The following HSD17B11 variants were observed in gnomAD, a reference collection of about 807,000 sequenced individuals.
HSD17B11 encodes estradiol 17-beta-dehydrogenase 11.
In HSD17B11, 22 loss-of-function variants were observed where a neutral mutation model predicts 27.8. The ratio of observed to expected loss-of-function variants is 0.79; its 90% CI spans 0.56 to 1.13. The LOEUF (loss-of-function observed/expected upper bound fraction) is 1.13. Among genes scored for constraint, HSD17B11 ranks in the 50% most tolerant of loss-of-function variants. The pLI is 0.00. For synonymous variants in HSD17B11, 117 were observed against 132.8 expected (o/e 0.88, Z 0.82); for missense variants, 314 against 351.1 (o/e 0.89, Z 0.84).
intron 4 of HSD17B11, among the ~76,000 whole-genome samples, chr4:87,357,946 GA>G (rs1474567008): frequency 3.8e-4 from 31 of 82,112 alleles, no homozygotes; most frequent in East Asian, 1.3e-3. Flanking sequence ...ATTCATTAGA[GA>G]AATTTTTTTT....
Position 87,357,377 on chromosome 4 carries a change from C to CA in HSD17B11, c.596dup (p.Leu199PhefsTer4). 1.2e-6 allele frequency: 2 copies of CA among 1,613,632 alleles called. No individual in the cohort carries two copies. The highest frequency in any genetic ancestry group is 1.3e-5 in the African/African-American group (1 of 75,028). On this transcript the variant is annotated frameshift_variant, in exon 5 of 7. Coordinates refer to ENST00000358290, the MANE Select transcript of HSD17B11 (RefSeq NM_016245.5). LOFTEE classifies it high-confidence loss of function. ...TTTGTAAGGCAGCCAGTTCATCTGTCAAAGTTTTATGAAATCCAACAGCAG... is the reference window on the plus strand; with the variant it reads ...TTTGTAAGGCAGCCAGTTCATCTGTCAAAAGTTTTATGAAATCCAACAGCAG...
rs543442570 is a variant in HSD17B11 at position 87,391,146 on chromosome 4, G to A, written c.-76C>T. 38 of 1,045,244 alleles carry A rather than the reference G, an allele frequency of 3.6e-5. No individual in the cohort carries two copies. In the South Asian group the frequency reaches 4.8e-4, roughly 13 times the overall value. The allele number at this position is 1,045,244 out of a possible 1,614,324, so 64.7% of individuals were successfully genotyped here. A position where few individuals can be genotyped will look rare whatever the true frequency, so the allele number is the denominator to read the frequency against. On this transcript the variant is annotated 5_prime_UTR_variant, in exon 1 of 7. Coordinates refer to ENST00000358290, the MANE Select transcript of HSD17B11 (RefSeq NM_016245.5). ...CTAAACTGCTTTTAGAGGGTAGCTC[G>A]ATCTAACACCAGAAAGAGTAGGGGC...
At chr4:87,368,271 C>T (rs1305285793) in intron 4 of HSD17B11, among the ~76,000 whole-genome samples, 4 of 151,982 alleles carry the variant, frequency 2.6e-5, no homozygotes, top group East Asian at 1.9e-4. Flanking sequence ...GAGCTGAGAT[C>T]GCACCACTGC....
intron 5 of HSD17B11, among the ~76,000 whole-genome samples, chr4:87,355,444 C>T (rs1735365698): frequency 6.6e-6 from 1 of 150,932 alleles, no homozygotes; most frequent in Non-Finnish European, 1.5e-5. Flanking sequence ...ACCTAAAGTC[C>T]ATGAGAAAAA....
rs558646962 is a variant in HSD17B11, at chr4:87,359,270, G to C, written c.558-1854C>G. Among the ~76,000 whole-genome samples the C allele has an allele frequency of 6.2e-4, 94 of 152,278 alleles. No individual in the cohort carries two copies. The Middle Eastern group carries it at 0.014, about 22-fold the overall frequency. On this transcript the variant is annotated intron_variant, in intron 4 of 6. Transcript: ENST00000358290. Reference sequence around the variant, plus strand: ...AAGATTGTTAGATTAAATTATATGAGATTAAAAGCTTCTGTATACTGAAAA... The same window carrying C: ...AAGATTGTTAGATTAAATTATATGACATTAAAAGCTTCTGTATACTGAAAA...
chr4:87,343,612 A>G (rs1735213986), intron 5 of HSD17B11, among the ~76,000 whole-genome samples: 1 of 146,804 alleles, frequency 6.8e-6, no homozygotes, highest in Non-Finnish European at 1.5e-5. Flanking sequence ...CAGTGGCACG[A>G]TCTCAGCTCA....
At chr4:87,363,980 T>C (rs1735571201) in intron 4 of HSD17B11, among the ~76,000 whole-genome samples, 1 of 152,236 alleles carries the variant, frequency 6.6e-6, no homozygotes, top group South Asian at 2.1e-4. Flanking sequence ...ATAAGAGCTC[T>C]GAAAGGATTT....
chr4:87,357,447 A>G (rs774256013), intron 4 of HSD17B11, 31 bp from the exon 5 acceptor site: 2 of 1,596,826 alleles, frequency 1.3e-6, no homozygotes, highest in South Asian at 2.3e-5. Context: ...AAATAATTCA[A>G]GAATTCTGAA....
chr4:87,362,766 G>A (rs567289142), intron 4 of HSD17B11, among the ~76,000 whole-genome samples: 1 of 152,240 alleles, frequency 6.6e-6, no homozygotes, highest in East Asian at 1.9e-4. Flanking sequence ...AAACTTGAGA[G>A]CTGACAGGAT....
chr4:87,376,857 C>T (rs923624110), intron 2 of HSD17B11, among the ~76,000 whole-genome samples: 2 of 152,128 alleles, frequency 1.3e-5, no homozygotes, highest in Admixed American at 6.5e-5. Flanking sequence ...AGGCTGGGCA[C>T]GGTGGCTCAC....
At chr4:87,370,281 G>A (rs1735682915) in intron 4 of HSD17B11, among the ~76,000 whole-genome samples, 1 of 152,154 alleles carries the variant, frequency 6.6e-6, no homozygotes, top group Non-Finnish European at 1.5e-5. Flanking sequence ...GTGAATAACA[G>A]GAAGTGGAAT....
intron 2 of HSD17B11, among the ~76,000 whole-genome samples, chr4:87,380,502 AAAAGAG>A (rs1282744575): frequency 6.6e-6 from 1 of 150,822 alleles, no homozygotes. Context: ...AAAAGAAAAG[AAAAGAG>A]AAAAAGAAAA....
At chr4:87,378,235 A>G (rs1735882538) in intron 2 of HSD17B11, among the ~76,000 whole-genome samples, 1 of 152,116 alleles carries the variant, frequency 6.6e-6, no homozygotes, top group Non-Finnish European at 1.5e-5. Flanking sequence ...ATACTATTTT[A>G]TATTACCAAA....
intron 3 of HSD17B11, among the ~76,000 whole-genome samples, chr4:87,373,973 G>C (rs867772992): frequency 5.3e-5 from 8 of 152,242 alleles, no homozygotes; most frequent in African/African-American, 1.9e-4. Context: ...CTTCAATGGT[G>C]AGGTTCACAA....
intron 2 of HSD17B11, among the ~76,000 whole-genome samples, chr4:87,378,863 TATAA>T (rs1720011952): frequency 1.2e-4 from 3 of 24,400 alleles, no homozygotes; most frequent in South Asian, 6.9e-4. Context: ...TATAAATATA[TATAA>T]ATATATATAT....
At chr4:87,374,651 C>A (rs375506301) in intron 3 of HSD17B11, 48 bp downstream of exon 3, 1 of 1,560,146 alleles carries the variant, frequency 6.4e-7, no homozygotes. Flanking sequence ...CCACTTTAAT[C>A]TTTGGGATTT....
intron 4 of HSD17B11, among the ~76,000 whole-genome samples, chr4:87,367,017 G>A (rs1428932830): frequency 2.6e-5 from 4 of 152,088 alleles, no homozygotes; most frequent in African/African-American, 9.7e-5. Context: ...CAGCAATTAA[G>A]TAAAATATAC....
chr4:87,357,228 G>T, intron 5 of HSD17B11, 51 bp downstream of exon 5: 1 of 1,575,352 alleles, frequency 6.3e-7, no homozygotes, highest in East Asian at 2.3e-5. Context: ...CCACAGAATG[G>T]CTGGTATTCA....
intron 5 of HSD17B11, among the ~76,000 whole-genome samples, 170 bp downstream of exon 5, chr4:87,357,105 TTCTC>T (rs1277358706): frequency 6.6e-6 from 1 of 152,214 alleles, no homozygotes; most frequent in African/African-American, 2.4e-5. Context: ...CTCCCTTGCT[TTCTC>T]TCTTTTTGGC....
Sources: allele counts gnomAD v4.1 joint callset (sites outside exome capture counted in the v4.1 genomes callset), GRCh38; gene constraint gnomAD v4.1.1; transcripts MANE v1.5; gene names NCBI Gene and HGNC (gene_info 2026-07-23, HGNC 2026-07-21).